ZFHX3: variants seen among roughly 807,000 people sequenced by gnomAD.
ZFHX3 encodes zinc finger homeobox 3.
Under a neutral mutation model 279.1 loss-of-function variants are expected in ZFHX3, and 42 were observed. The observed-to-expected ratio is 0.15, with a 90% CI of 0.12 to 0.19. ZFHX3 has a LOEUF of 0.19. Ranked by LOEUF, ZFHX3 falls within the 10% of genes least tolerant of loss-of-function variation. The pLI is 1.00. For missense variants in ZFHX3, 4,981 were observed against 4,754.0 expected, an observed-to-expected ratio of 1.05 and a Z score of -1.40; for synonymous variants, 2,293 against 1,957.8, an observed-to-expected ratio of 1.17 and a Z score of -4.52.
At chr16:73,317,958 T>C (rs375837059) in intron 4 of ZFHX3, among the ~76,000 whole-genome samples, 38 of 152,172 alleles carry the variant, frequency 2.5e-4, no homozygotes, top group East Asian at 2.3e-3. Flanking sequence ...CAAAGGAGGG[T>C]GACAACCTTT....
intron 2 of ZFHX3, among the ~76,000 whole-genome samples, chr16:73,532,053 A>C (rs992714164): frequency 6.6e-6 from 1 of 152,162 alleles, no homozygotes; most frequent in African/African-American, 2.4e-5. Flanking sequence ...GTACCACTGC[A>C]TTCCAGCCTG....
chr16:73,788,616 G>A (rs1285867663), intron 1 of ZFHX3, among the ~76,000 whole-genome samples: 1 of 152,152 alleles, frequency 6.6e-6, no homozygotes. Flanking sequence ...TGCTTAGCAC[G>A]CAGACAACTA....
chr16:73,736,122 C>A (rs2053608111), intron 1 of ZFHX3, among the ~76,000 whole-genome samples: 2 of 152,090 alleles, frequency 1.3e-5, no homozygotes, highest in African/African-American at 4.8e-5. Flanking sequence ...TTCAGGTCAC[C>A]ATGACATTGA....
chr16:73,645,928 C>T (rs2052614568), intron 2 of ZFHX3, among the ~76,000 whole-genome samples: 1 of 152,158 alleles, frequency 6.6e-6, no homozygotes, highest in African/African-American at 2.4e-5. Flanking sequence ...GTAGCTCATT[C>T]TCCTAAAGCC....
Position 73,856,596 on chromosome 16 carries a change from G to A in ZFHX3, c.-1608+35055C>T, listed in dbSNP as rs1051429231. Among the ~76,000 whole-genome samples, 29 of 152,164 alleles carry A rather than the reference G, an allele frequency of 1.9e-4. 2 individuals carry two copies. The highest frequency in any genetic ancestry group is 1.6e-3 in the Admixed American group (24 of 15,274). ...ATAAGCCAGCATCTGATTTTTAATG[G>A]ATTTGAAGAAATCCATTTCCAAATG... On this transcript the variant is annotated intron_variant, in intron 1 of 17. Coordinates refer to the ZFHX3 transcript ENST00000641206.
chr16:72,882,982 GTGTGTGTGTGT>G (rs2038526221), intron 4 of ZFHX3, among the ~76,000 whole-genome samples: 24 of 20,816 alleles, frequency 1.2e-3, no homozygotes, highest in Admixed American at 2.8e-3. Flanking sequence ...TCTGGGGTGT[GTGTGTGTGTGT>G]GTGTGTGTGT....
chr16:72,787,035 T>C lies in ZFHX3; in HGVS notation c.*129A>G, dbSNP rs1246810704. ...GAAAACAACCCACGCTTTTTCTTTT[T>C]TTTCTTTTTTTTTTTTTTTTTGTTT... On this transcript the variant is annotated 3_prime_UTR_variant, in exon 10 of 10. Coordinates refer to ENST00000268489, the MANE Select transcript of ZFHX3 (RefSeq NM_006885.4). 14 of 1,107,908 alleles carry C rather than the reference T, an allele frequency of 1.3e-5. No individual in the cohort carries two copies. Among genetic ancestry groups the C allele is most frequent in the Admixed American group, 7.1e-5 (2 of 28,348 alleles). 68.6% of individuals were successfully genotyped at this position (1,107,908 alleles called of 1,614,324 possible).
At chr16:72,891,295 G>A (rs2038768022) in intron 3 of ZFHX3, among the ~76,000 whole-genome samples, 2 of 152,136 alleles carry the variant, frequency 1.3e-5, no homozygotes, top group African/African-American at 2.4e-5. Flanking sequence ...GGCAGCCTAA[G>A]AGCCTCCAGG....
upstream of ZFHX3, chr16:73,060,685 A>G (rs1965672781): frequency 6.6e-6 from 1 of 152,228 alleles, no homozygotes; most frequent in Admixed American, 6.5e-5. Context: ...TGCAATCAGC[A>G]CTTTAAGTAA....
chr16:73,320,331 C>G (rs981820149), intron 3 of ZFHX3, among the ~76,000 whole-genome samples: 1 of 152,198 alleles, frequency 6.6e-6, no homozygotes, highest in Non-Finnish European at 1.5e-5. Context: ...CAAAACTCAA[C>G]CCATGAGCTG....
intron 1 of ZFHX3, among the ~76,000 whole-genome samples, chr16:73,851,652 G>A (rs1444448878): frequency 6.6e-6 from 1 of 152,190 alleles, no homozygotes; most frequent in East Asian, 1.9e-4. Flanking sequence ...AGCTTCTTTA[G>A]AGGGGACGAC....
intron 8 of ZFHX3, among the ~76,000 whole-genome samples, chr16:73,069,032 ACTCCTC>A (rs1965791852): frequency 6.6e-6 from 1 of 151,800 alleles, no homozygotes; most frequent in African/African-American, 2.4e-5. Context: ...TGGGCTGATC[ACTCCTC>A]GCCGTGCTCG....
Position 73,442,259 on chromosome 16 carries a change from G to C in ZFHX3, c.-1291+13744C>G, listed in dbSNP as rs141176711. Among the ~76,000 whole-genome samples the C allele has an allele frequency of 2.3e-3, 355 of 152,326 alleles. 1 individual carries two copies. Among genetic ancestry groups the C allele is most frequent in the African/African-American group, 8.0e-3 (332 of 41,580 alleles). ...AGTCCGAGATCAAGGTGTTGGCAGG[G>C]TTGGTCTCTTCTGAGGCCTCTCTCC... On this transcript the variant is annotated intron_variant, in intron 3 of 17. Transcript: ENST00000641206.
chr16:73,815,987 G>A (rs1279172717), intron 1 of ZFHX3: 1 of 152,166 alleles, frequency 6.6e-6, no homozygotes, highest in African/African-American at 2.4e-5. Flanking sequence ...TAAAGTGGGT[G>A]ACCCTCACTA....
intron 1 of ZFHX3, among the ~76,000 whole-genome samples, chr16:72,964,668 TAAAAAA>T: frequency 7.0e-6 from 1 of 143,216 alleles, no homozygotes; most frequent in African/African-American, 2.6e-5. Context: ...TTGGTCTATT[TAAAAAA>T]AAAAAAAAAG....
intron 2 of ZFHX3, among the ~76,000 whole-genome samples, chr16:73,546,113 A>T (rs1302744146): frequency 6.6e-6 from 1 of 152,248 alleles, no homozygotes; most frequent in African/African-American, 2.4e-5. Flanking sequence ...TCGTGCTAAA[A>T]GGAAAAACAA....
At chr16:73,669,353 T>C (rs2142183254) in intron 2 of ZFHX3, among the ~76,000 whole-genome samples, 1 of 152,316 alleles carries the variant, frequency 6.6e-6, no homozygotes, top group East Asian at 1.9e-4. Context: ...CATGCCCAGC[T>C]GATCTTTGTA....
intron 3 of ZFHX3, among the ~76,000 whole-genome samples, chr16:72,946,841 G>A (rs10518048): frequency 0.026 from 3,918 of 152,306 alleles, 79 homozygotes; most frequent in Middle Eastern, 0.088. Context: ...TCTGAGAAAG[G>A]AGTGATACAT....
chr16:73,583,422 A>C (rs1371311800), intron 2 of ZFHX3, among the ~76,000 whole-genome samples: 1 of 152,244 alleles, frequency 6.6e-6, no homozygotes, highest in African/African-American at 2.4e-5. Context: ...TAGGGCATGC[A>C]TTTCAAATTT....
Sources: allele counts gnomAD v4.1 joint callset (sites outside exome capture counted in the v4.1 genomes callset), GRCh38; gene constraint gnomAD v4.1.1; transcripts MANE v1.5; gene names NCBI Gene and HGNC (gene_info 2026-07-23, HGNC 2026-07-21).